CPLANE1: variants seen among roughly 807,000 people sequenced by gnomAD.
CPLANE1 encodes ciliogenesis and planar polarity effector complex subunit 1.
CPLANE1 carries 263 observed loss-of-function variants against 362.5 expected under a neutral mutation model. The ratio of observed to expected loss-of-function variants is 0.73; its 90% CI spans 0.66 to 0.80. The LOEUF (loss-of-function observed/expected upper bound fraction) is 0.80. Among genes scored for constraint, CPLANE1 ranks in the 30% least tolerant of loss-of-function variants. CPLANE1 has a pLI of 0.00. For missense variants in CPLANE1, 3,461 were observed against 3,793.4 expected (o/e 0.91, Z 2.30); for synonymous variants, 1,212 against 1,302.6 (o/e 0.93, Z 1.50).
At chr5:37,099,082 A>G in the CPLANE1 span, among the ~76,000 whole-genome samples, 1 of 152,226 alleles carries the variant, frequency 6.6e-6, no homozygotes, top group Non-Finnish European at 1.5e-5. Context: ...ACTTAAAAAA[A>G]TACAAAGGAT....
intron 43 of CPLANE1, among the ~76,000 whole-genome samples, chr5:37,142,977 T>A (rs1023141144): frequency 2.6e-5 from 4 of 151,966 alleles, no homozygotes; most frequent in Non-Finnish European, 5.9e-5. Context: ...AAAGAAAATC[T>A]CTCCCCTGGT....
intron 16 of CPLANE1, among the ~76,000 whole-genome samples, chr5:37,212,740 G>T: frequency 6.6e-6 from 1 of 152,060 alleles, no homozygotes; most frequent in Middle Eastern, 3.4e-3. Flanking sequence ...AAAAGTAAAT[G>T]GTCCAAATAA....
rs914087923 is a variant in CPLANE1, at chr5:37,209,217, C to A, written c.2921-2792G>T. The A allele has an allele frequency of 3.1e-5, 18 of 582,110 alleles. No individual in the cohort carries two copies. Among genetic ancestry groups the A allele is most frequent in the African/African-American group, 3.0e-4 (16 of 53,136 alleles). 36.1% of individuals were successfully genotyped at this position (582,110 alleles called of 1,614,324 possible). On this transcript the variant is annotated intron_variant, in intron 16 of 52. Transcript: ENST00000651892. The surrounding 1 kb of genome is among the most constrained non-coding windows in gnomAD (Gnocchi z 4.6). ...AGTGCAAGGCAGAGAGCGTTCAGCA[C>A]CCTTGTTCCTCCCGACCCCTCAGGA...
chr5:37,131,846 A>G (rs1455269887), intron 46 of CPLANE1, among the ~76,000 whole-genome samples: 1 of 151,938 alleles, frequency 6.6e-6, no homozygotes, highest in Non-Finnish European at 1.5e-5. Flanking sequence ...TTTTATAGAG[A>G]TGAGGTTTTG....
At position 37,186,345 on chromosome 5, in the gene CPLANE1, A is replaced by T. The variant is rs75125284; in HGVS notation, c.4130T>A (p.Val1377Asp). The change falls in exon 24 of 53, where the codon GTT becomes GAT. Residue 1377 changes from valine to aspartate, a missense_variant. By Grantham distance (152) the Val-to-Asp change is radical (BLOSUM62 -3). Transcript: ENST00000651892. ...AGAGTGATATTTGTCTCTTAAAGGA[A>T]CCCTCACGTCCTCAGGATAGGGAAA... ...KAFPYPEDVR[V>D]PLRDKYHSLH... 1.9e-6 allele frequency: 3 copies of T among 1,607,528 alleles called. No homozygotes were observed. In the East Asian group the frequency reaches 6.7e-5, roughly 36 times the overall value.
At chr5:37,140,105 T>C (rs1769209812) in intron 44 of CPLANE1, 2 of 902,658 alleles carry the variant, frequency 2.2e-6, no homozygotes, top group South Asian at 1.0e-4. Context: ...GTATTAACTA[T>C]ATGTCTTCAG....
At chr5:37,198,638 C>G in intron 20 of CPLANE1, 64 bp downstream of exon 20, 1 of 1,440,752 alleles carries the variant, frequency 6.9e-7, no homozygotes, top group South Asian at 1.3e-5. Context: ...ATTATAAAAA[C>G]AATAATATAA....
chr5:37,185,278 G>A (rs994857753), intron 24 of CPLANE1, among the ~76,000 whole-genome samples, 199 bp from the exon 25 acceptor site: 1 of 151,868 alleles, frequency 6.6e-6, no homozygotes, highest in African/African-American at 2.4e-5. Context: ...GCTAAAGAAG[G>A]TCCATTAAAG....
At chr5:37,154,410 CTTCTTA>C (rs749551547) in intron 41 of CPLANE1, among the ~76,000 whole-genome samples, 2 of 146,992 alleles carry the variant, frequency 1.4e-5, no homozygotes, top group Non-Finnish European at 3.0e-5. Flanking sequence ...GCCAATGACT[CTTCTTA>C]TTCTTAAACT....
chr5:37,081,598 C>T, the CPLANE1 span, among the ~76,000 whole-genome samples: 1 of 151,918 alleles, frequency 6.6e-6, no homozygotes, highest in Non-Finnish European at 1.5e-5. Flanking sequence ...GCTGGGATTA[C>T]AGGTATGAGC....
intron 35 of CPLANE1, among the ~76,000 whole-genome samples, chr5:37,166,300 C>T (rs1292506591): frequency 6.6e-6 from 1 of 152,158 alleles, no homozygotes; most frequent in Non-Finnish European, 1.5e-5. Flanking sequence ...TTTCTTAGTG[C>T]CCTGAAACAA....
In CPLANE1 at chr5:37,206,746, T is replaced by C. The variant is rs373530424; in HGVS notation, c.2921-321A>G. Among the ~76,000 whole-genome samples the C allele has an allele frequency of 7.2e-5, 11 of 152,264 alleles. No homozygotes were observed. The East Asian group carries it at 1.9e-3, about 27-fold the overall frequency. ...AATGAAACTTTTGTGTCAGGTAATA[T>C]GTAAACACATACAAAAAACATTTAT... On this transcript the variant is annotated intron_variant, in intron 16 of 52. Transcript: ENST00000651892.
chr5:37,205,254 T>C (rs1790384235), intron 18 of CPLANE1, 61 bp downstream of exon 18: 2 of 1,223,526 alleles, frequency 1.6e-6, no homozygotes, highest in Admixed American at 6.9e-5. Flanking sequence ...TATAAACTTT[T>C]TAAGGTATTA....
chr5:37,231,155 G>A, intron 8 of CPLANE1, 106 bp from the exon 9 acceptor site: 2 of 685,378 alleles, frequency 2.9e-6, no homozygotes. Context: ...AAAAAATGAG[G>A]GCAAAAGAAT....
chr5:37,081,715 A>T, the CPLANE1 span, among the ~76,000 whole-genome samples: 1 of 152,176 alleles, frequency 6.6e-6, no homozygotes, highest in East Asian at 1.9e-4. Flanking sequence ...GTATTTCATG[A>T]AAAACATCAA....
chr5:37,159,517 AC>A (rs1776278196), intron 38 of CPLANE1, among the ~76,000 whole-genome samples: 1 of 152,138 alleles, frequency 6.6e-6, no homozygotes. Context: ...AATTTCACAA[AC>A]GTTAACTGCT....
intron 21 of CPLANE1, among the ~76,000 whole-genome samples, chr5:37,194,774 A>G (rs528668995): frequency 4.0e-5 from 6 of 151,268 alleles, no homozygotes; most frequent in Non-Finnish European, 7.4e-5. Flanking sequence ...GGCTCAAGCA[A>G]CCTCCTACCT....
chr5:37,208,969 T>C (rs969493587), intron 16 of CPLANE1, among the ~76,000 whole-genome samples: 1 of 149,952 alleles, frequency 6.7e-6, no homozygotes, highest in African/African-American at 2.5e-5. Context: ...AAAGAAAACA[T>C]GCGCATGCGC....
At chr5:37,210,102 A>C (rs944966352) in intron 16 of CPLANE1, 15 of 844,784 alleles carry the variant, frequency 1.8e-5, no homozygotes, top group African/African-American at 5.1e-5. Context: ...CGTGTTCCAG[A>C]ATGATTTTGA....
Sources: allele counts gnomAD v4.1 joint callset (sites outside exome capture counted in the v4.1 genomes callset), GRCh38; gene constraint gnomAD v4.1.1; non-coding constraint Gnocchi (gnomAD v3.1); transcripts MANE v1.5; gene names NCBI Gene and HGNC (gene_info 2026-07-23, HGNC 2026-07-21).